Variants in ZNRF1 observed in about 807,000 individuals in gnomAD.
ZNRF1 encodes zinc and ring finger 1, also known as E3 ubiquitin-protein ligase ZNRF1.
Under a neutral mutation model 18.4 loss-of-function variants are expected in ZNRF1, and 3 were observed. That is an observed-to-expected ratio of 0.16 (90% CI 0.07 to 0.42). The LOEUF is 0.42. Among genes scored for constraint, ZNRF1 ranks in the 10% least tolerant of loss-of-function variants. ZNRF1 has a pLI of 0.99. For synonymous variants in ZNRF1, 157 were observed against 144.2 expected (o/e 1.09, Z -0.64); for missense variants, 310 against 329.8 (o/e 0.94, Z 0.47).
At chr16:75,004,573 C>A (rs2034894104) in intron 1 of ZNRF1, among the ~76,000 whole-genome samples, 1 of 152,160 alleles carries the variant, frequency 6.6e-6, no homozygotes, top group Admixed American at 6.5e-5. Context: ...TGTCATCAAG[C>A]CATCAACTGA....
intron 1 of ZNRF1, among the ~76,000 whole-genome samples, chr16:75,028,724 C>T (rs958358175): frequency 6.6e-6 from 1 of 152,252 alleles, no homozygotes; most frequent in Non-Finnish European, 1.5e-5. Flanking sequence ...TGAAACAGCT[C>T]TTATCAAGGT....
At chr16:75,056,167 G>A (rs2035665188) in intron 1 of ZNRF1, among the ~76,000 whole-genome samples, 1 of 152,206 alleles carries the variant, frequency 6.6e-6, no homozygotes, top group Non-Finnish European at 1.5e-5. Flanking sequence ...GAAGTTTAAG[G>A]ATCCATAAGG....
intron 1 of ZNRF1, 142 bp downstream of exon 1, chr16:75,000,237 A>G (rs945868870): frequency 8.6e-7 from 1 of 1,157,750 alleles, no homozygotes; most frequent in East Asian, 2.6e-5. Context: ...CAAGGGATAA[A>G]TGGGATACCT....
chr16:75,096,325 G>C (rs1259676266), intron 2 of ZNRF1, among the ~76,000 whole-genome samples: 1 of 152,126 alleles, frequency 6.6e-6, no homozygotes, highest in Non-Finnish European at 1.5e-5. Context: ...AAACCTTCCA[G>C]GTAAGAGGAG....
intron 1 of ZNRF1, among the ~76,000 whole-genome samples, chr16:75,050,565 A>T (rs947954862): frequency 6.6e-6 from 1 of 151,570 alleles, no homozygotes; most frequent in Non-Finnish European, 1.5e-5. Flanking sequence ...GATATTAAAA[A>T]AAAAATAAAA....
At chr16:75,072,981 A>G (rs973324032) in intron 1 of ZNRF1, among the ~76,000 whole-genome samples, 1 of 152,190 alleles carries the variant, frequency 6.6e-6, no homozygotes, top group African/African-American at 2.4e-5. Context: ...AGTTAGTGAA[A>G]GAAAGCATTT....
Position 75,042,838 on chromosome 16 carries a change from T to C in ZNRF1, c.424+42743T>C, listed in dbSNP as rs570543347. ...GTGACCTCTCACAGAGGGCCTGAAA[T>C]GGGCTCACTGCTCTTTAGAGGTTAT... On this transcript the variant is annotated intron_variant, in intron 1 of 4. Transcript: ENST00000335325. Among the ~76,000 whole-genome samples the C allele has an allele frequency of 1.7e-3, 261 of 152,322 alleles. 1 individual carries two copies. Among genetic ancestry groups the C allele is most frequent in the African/African-American group, 5.5e-3 (230 of 41,562 alleles).
chr16:75,060,428 C>T (rs2035727224), intron 1 of ZNRF1, among the ~76,000 whole-genome samples: 1 of 149,874 alleles, frequency 6.7e-6, no homozygotes, highest in South Asian at 2.1e-4. Context: ...TACATTTGAG[C>T]ACAATGACCA....
At chr16:75,042,697 A>C (rs1411524094) in intron 1 of ZNRF1, among the ~76,000 whole-genome samples, 2 of 152,074 alleles carry the variant, frequency 1.3e-5, no homozygotes, top group Non-Finnish European at 2.9e-5. Flanking sequence ...TTTCAAAATA[A>C]TGTTGGGTTT....
At chr16:75,034,101 T>C (rs933807615) in intron 1 of ZNRF1, among the ~76,000 whole-genome samples, 3 of 152,144 alleles carry the variant, frequency 2.0e-5, no homozygotes, top group Admixed American at 2.0e-4. Context: ...GAGGTTGCAG[T>C]GAGCGGAGAT....
chr16:75,014,202 T>G (rs1166276673), intron 1 of ZNRF1, among the ~76,000 whole-genome samples: 2 of 152,194 alleles, frequency 1.3e-5, no homozygotes, highest in African/African-American at 2.4e-5. Flanking sequence ...ACCAAGCAGA[T>G]TATAATAACT....
chr16:75,077,924 C>T (rs920305080), intron 1 of ZNRF1, among the ~76,000 whole-genome samples: 6 of 152,228 alleles, frequency 3.9e-5, no homozygotes, highest in African/African-American at 1.4e-4. Context: ...GCTGTGATTA[C>T]ATCGGACCCA....
chr16:75,040,777 T>A (rs917511025), intron 1 of ZNRF1, among the ~76,000 whole-genome samples: 1 of 151,526 alleles, frequency 6.6e-6, no homozygotes, highest in African/African-American at 2.4e-5. Flanking sequence ...CAGCTAATTT[T>A]TTGTATTTTT....
At chr16:75,006,574 T>C (rs998628400) in intron 1 of ZNRF1, among the ~76,000 whole-genome samples, 1 of 152,150 alleles carries the variant, frequency 6.6e-6, no homozygotes, top group African/African-American at 2.4e-5. Context: ...TAGCTGGGAT[T>C]ACAGGCATGC....
At chr16:75,094,450 G>A (rs991170072) in intron 2 of ZNRF1, among the ~76,000 whole-genome samples, 1 of 152,216 alleles carries the variant, frequency 6.6e-6, no homozygotes, top group Non-Finnish European at 1.5e-5. Flanking sequence ...TGGAGTCCAG[G>A]TGATGGGAGT....
chr16:75,025,725 C>G (rs529080585), intron 1 of ZNRF1, among the ~76,000 whole-genome samples: 1 of 152,212 alleles, frequency 6.6e-6, no homozygotes, highest in Non-Finnish European at 1.5e-5. Context: ...TCTGAAGAAT[C>G]TGAATGTGTC....
In ZNRF1 at chr16:75,108,369, C is replaced by T. The variant is rs181847654; in HGVS notation, c.*669C>T. 239 of 387,362 alleles carry T rather than the reference C, an allele frequency of 6.2e-4. 2 individuals are homozygous for T. In the East Asian group the frequency reaches 8.1e-3, roughly 13 times the overall value. The allele number at this position is 387,362 out of a possible 1,614,324, so 24.0% of individuals were successfully genotyped here. On this transcript the variant is annotated 3_prime_UTR_variant, in exon 5 of 5. Transcript: ENST00000335325. ...CTTTTCCCTTCTTTCCTCCTGGTTC[C>T]GGTCAGTTCAGAGGATTTAACAATC...
Position 75,010,701 on chromosome 16 carries a change from G to GTTTTTTTTTT in ZNRF1, c.424+10615_424+10616insTTTTTTTTTT, listed in dbSNP as rs1334552920. On this transcript the variant is annotated intron_variant, in intron 1 of 4. Transcript: ENST00000335325. ...AAATTAGTCACCTCTGTACTGTACT[G>GTTTTTTTTTT]TTTTTTTTTGTTTTTTTGTTTTTTT... Among the ~76,000 whole-genome samples, 310 of 63,744 alleles carry GTTTTTTTTTT rather than the reference G, an allele frequency of 4.9e-3. 11 individuals are homozygous for GTTTTTTTTTT. The highest frequency in any genetic ancestry group is 9.9e-3 in the African/African-American group (221 of 22,278). The allele number at this position is 63,744 out of a possible 152,430, so 41.8% of individuals were successfully genotyped here.
intron 1 of ZNRF1, among the ~76,000 whole-genome samples, chr16:75,028,008 A>G (rs1401154009): frequency 6.6e-6 from 1 of 152,138 alleles, no homozygotes; most frequent in East Asian, 1.9e-4. Flanking sequence ...ACGTGCTTGT[A>G]TATCTGCCTT....
Sources: gnomAD v4.1 joint callset for allele counts (sites outside exome capture counted in the v4.1 genomes callset) on GRCh38, gnomAD v4.1.1 for gene constraint, MANE v1.5 for transcripts, NCBI Gene and HGNC (gene_info 2026-07-23, HGNC 2026-07-21) for gene names.